Variants in ZNF248 observed in about 807,000 individuals in gnomAD.
ZNF248 encodes zinc finger protein 248, also known as KRAB protein domain.
A neutral mutation model predicts 44.3 loss-of-function variants in ZNF248; 20 were observed. The ratio of observed to expected loss-of-function variants is 0.45; its 90% CI spans 0.32 to 0.66. The LOEUF (loss-of-function observed/expected upper bound fraction) is 0.66, where lower values mean the gene tolerates loss of function less well. ZNF248 is among the 30% of genes least tolerant of loss of function. ZNF248 has a pLI of 0.04. For synonymous variants in ZNF248, 224 were observed against 229.0 expected (o/e 0.98, Z 0.20); for missense variants, 654 against 677.0 (o/e 0.97, Z 0.38).
chr10:37,833,693 T>C (rs548377071), intron 5 of ZNF248, among the ~76,000 whole-genome samples: 2 of 152,160 alleles, frequency 1.3e-5, no homozygotes, highest in African/African-American at 2.4e-5. Flanking sequence ...AACAGTCCTA[T>C]ATAGCCCAAG....
chr10:37,837,729 C>A lies in ZNF248; in HGVS notation c.143-17G>T. Reference sequence around the variant, plus strand: ...TGCAATACCCTGTTAAGAGAAAATACCACAGGACTAGAGCTAAATAGCTTG... The same window carrying A: ...TGCAATACCCTGTTAAGAGAAAATAACACAGGACTAGAGCTAAATAGCTTG... On this transcript the variant is annotated splice_polypyrimidine_tract_variant and intron_variant, in intron 4 of 5. Transcript: ENST00000395867. 1 of 1,609,314 alleles carries A rather than the reference C, an allele frequency of 6.2e-7. No homozygotes were observed. Among genetic ancestry groups the A allele is most frequent in the Non-Finnish European group, 8.5e-7 (1 of 1,176,516 alleles).
At chr10:37,826,591 TAATAATGTCAC>T (rs2054429532), downstream of ZNF248, among the ~76,000 whole-genome samples, 1 of 152,194 alleles carries the variant, frequency 6.6e-6, no homozygotes, top group Non-Finnish European at 1.5e-5. Context: ...TTTTTAACTG[TAATAATGTCAC>T]AATAATGTCT....
At position 37,787,755 on chromosome 10, in the gene ZNF248, A is replaced by G. The variant is rs137981601; in HGVS notation, c.331-11180T>C. On this transcript the variant is annotated intron_variant, in intron 6 of 6. Transcript: ENST00000615949. ...GAGCTAAAAGTATAAAATTTATAGA[A>G]GAAAATATAGAAGAAAAATCTTTGT... 2.9e-3 allele frequency among the ~76,000 whole-genome samples: 439 copies of G among 152,256 alleles called. 2 individuals are homozygous for G. The highest frequency in any genetic ancestry group is 0.01 in the African/African-American group (416 of 41,554).
At chr10:37,814,487 TC>T (rs1265342658) in intron 6 of ZNF248, among the ~76,000 whole-genome samples, 3 of 152,246 alleles carry the variant, frequency 2.0e-5, no homozygotes, top group African/African-American at 7.2e-5. Context: ...TATCTTCATT[TC>T]TTTTATGGCA....
intron 6 of ZNF248, chr10:37,820,223 C>A: frequency 7.5e-7 from 1 of 1,330,154 alleles, no homozygotes; most frequent in East Asian, 2.3e-5. Flanking sequence ...CGGACTGGGT[C>A]TGTCTGTGCC....
chr10:37,818,823 A>G (rs1589420748), intron 6 of ZNF248: 2 of 887,776 alleles, frequency 2.3e-6, no homozygotes, highest in East Asian at 5.8e-5. Flanking sequence ...ACTGCACTTC[A>G]GCAGCTTTAA....
chr10:37,835,634 G>A (rs987774724), intron 5 of ZNF248, among the ~76,000 whole-genome samples: 3 of 152,190 alleles, frequency 2.0e-5, no homozygotes, highest in Admixed American at 2.0e-4. Flanking sequence ...AGAGGGAAGA[G>A]GAAAAGAGAG....
chr10:37,772,042 G>A (rs573957031), downstream of ZNF248, among the ~76,000 whole-genome samples: 6 of 152,244 alleles, frequency 3.9e-5, no homozygotes, highest in Admixed American at 6.5e-5. Flanking sequence ...CAAGGCAGGC[G>A]GATCACGATG....
intron 3 of ZNF248, among the ~76,000 whole-genome samples, chr10:37,846,629 C>T (rs1367621076): frequency 2.0e-5 from 3 of 152,138 alleles, no homozygotes; most frequent in Non-Finnish European, 4.4e-5. Flanking sequence ...CTAGGGCACA[C>T]AGCAAGATCC....
At chr10:37,837,807 T>C (rs1037293062) in intron 4 of ZNF248, 95 bp from the exon 5 acceptor site, 3 of 1,381,462 alleles carry the variant, frequency 2.2e-6, no homozygotes, top group Admixed American at 2.1e-5. Flanking sequence ...CTTCACCAGC[T>C]ACTCAAAGAA....
At position 37,830,677 on chromosome 10, in the gene ZNF248, G is replaced by C. The variant is rs913821304; in HGVS notation, c.*938C>G. On this transcript the variant is annotated 3_prime_UTR_variant, in exon 6 of 6. Coordinates refer to ENST00000395867, the MANE Select transcript of ZNF248 (RefSeq NM_021045.3). ...AAATTAAAACCCTGATTTATAGTTT[G>C]TCAATTTCCATGGTGTAAACACTCC... 28 of 918,274 alleles carry C rather than the reference G, an allele frequency of 3.0e-5. No homozygotes were observed. The highest frequency in any genetic ancestry group is 3.6e-5 in the Non-Finnish European group (28 of 769,006). 56.9% of individuals were successfully genotyped at this position (918,274 alleles called of 1,614,324 possible).
At chr10:37,850,118 C>T (rs1477602452) in intron 3 of ZNF248, among the ~76,000 whole-genome samples, 3 of 152,126 alleles carry the variant, frequency 2.0e-5, no homozygotes, top group African/African-American at 7.2e-5. Context: ...TTTTCCTCTA[C>T]CCCAAATGCC....
At chr10:37,775,749 TCAGGATA>T (rs2046537029), downstream of ZNF248, among the ~76,000 whole-genome samples, 1 of 152,224 alleles carries the variant, frequency 6.6e-6, no homozygotes, top group Admixed American at 6.5e-5. Context: ...GGTGAAATAC[TCAGGATA>T]TTTGTTTACT....
At chr10:37,854,334 T>C (rs2060880949) in intron 3 of ZNF248, among the ~76,000 whole-genome samples, 1 of 152,052 alleles carries the variant, frequency 6.6e-6, no homozygotes, top group African/African-American at 2.4e-5. Context: ...AATAATGGCT[T>C]GCAACTCATA....
chr10:37,829,949 C>T lies in ZNF248; in HGVS notation c.*1666G>A, dbSNP rs878979953. Reference sequence around the variant, plus strand: ...ATGCACAAAAATATAAAATTTAGCTCAGCAAGGATGAAGTAGGGAATGGCC... The same window carrying T: ...ATGCACAAAAATATAAAATTTAGCTTAGCAAGGATGAAGTAGGGAATGGCC... On this transcript the variant is annotated 3_prime_UTR_variant, in exon 6 of 6. Coordinates refer to ENST00000395867, the MANE Select transcript of ZNF248 (RefSeq NM_021045.3). The T allele has an allele frequency of 1.0e-6, 1 of 985,234 alleles. No individual in the cohort carries two copies. Among genetic ancestry groups the T allele is most frequent in the Admixed American group, 6.2e-5 (1 of 16,256 alleles). The allele number at this position is 985,234 out of a possible 1,614,324, so 61.0% of individuals were successfully genotyped here.
chr10:37,785,693 C>A (rs2047805447), intron 6 of ZNF248, among the ~76,000 whole-genome samples: 1 of 152,180 alleles, frequency 6.6e-6, no homozygotes, highest in Non-Finnish European at 1.5e-5. Flanking sequence ...CACTAAAATT[C>A]CACTCAGGAA....
At chr10:37,842,508 G>A (rs1024591247) in intron 3 of ZNF248, among the ~76,000 whole-genome samples, 3 of 152,134 alleles carry the variant, frequency 2.0e-5, no homozygotes, top group Middle Eastern at 3.2e-3. Context: ...ACGGCAGACC[G>A]CATTCCAAGT....
At chr10:37,820,529 G>A (rs2053295939) in intron 6 of ZNF248, 3 of 1,602,118 alleles carry the variant, frequency 1.9e-6, no homozygotes, top group Non-Finnish European at 2.6e-6. Flanking sequence ...TCGTGCAACT[G>A]GTGCAACACT....
At chr10:37,805,599 T>C (rs2050437509) in intron 6 of ZNF248, among the ~76,000 whole-genome samples, 1 of 152,198 alleles carries the variant, frequency 6.6e-6, no homozygotes, top group African/African-American at 2.4e-5. Flanking sequence ...TTTCTTGATT[T>C]ACAAATCGCT....
Sources: gnomAD v4.1 joint callset for allele counts (sites outside exome capture counted in the v4.1 genomes callset) on GRCh38, gnomAD v4.1.1 for gene constraint, MANE v1.5 for transcripts, NCBI Gene and HGNC (gene_info 2026-07-23, HGNC 2026-07-21) for gene names.